Variants in GDAP2 observed in about 807,000 individuals in gnomAD.
The protein encoded by GDAP2 is ganglioside-induced differentiation-associated protein 2.
Under a neutral mutation model 67.0 loss-of-function variants are expected in GDAP2, and 51 were observed. The observed-to-expected ratio is 0.76, with a 90% CI of 0.61 to 0.96. The LOEUF is 0.96. Ranked by LOEUF, GDAP2 falls within the 40% of genes least tolerant of loss-of-function variation. GDAP2 has a pLI of 0.00. For missense variants in GDAP2, 547 were observed against 588.3 expected, an observed-to-expected ratio of 0.93 and a Z score of 0.73; for synonymous variants, 203 against 207.3, an observed-to-expected ratio of 0.98 and a Z score of 0.18.
rs534446232 is a variant in GDAP2, at chr1:117,870,349, C to G, written c.*220G>C. 9.5e-6 allele frequency: 5 copies of G among 527,576 alleles called. No individual in the cohort carries two copies. The African/African-American group carries it at 9.8e-5, about 10-fold the overall frequency. 32.7% of individuals were successfully genotyped at this position (527,576 alleles called of 1,614,324 possible). ...AATCTAAAAATGAACATTTCCATTT[C>G]ATATAAATATACAAATTTAAAATGT... On this transcript the variant is annotated 3_prime_UTR_variant, in exon 14 of 14. Transcript: ENST00000369443.
intron 12 of GDAP2, among the ~76,000 whole-genome samples, chr1:117,880,911 G>C (rs1455858456): frequency 1.3e-5 from 2 of 152,176 alleles, no homozygotes; most frequent in Admixed American, 6.5e-5. Flanking sequence ...GAAAGGGACT[G>C]TCCTTCATTA....
At chr1:117,922,663 T>C (rs967239208) in intron 1 of GDAP2, among the ~76,000 whole-genome samples, 2 of 152,078 alleles carry the variant, frequency 1.3e-5, no homozygotes, top group African/African-American at 4.8e-5. Context: ...TTATTAGCAA[T>C]TTTCAAAAGG....
rs1036954658 is a variant in GDAP2, at chr1:117,868,003, C to G, written c.*2566G>C. On this transcript the variant is annotated 3_prime_UTR_variant, in exon 14 of 14. Transcript: ENST00000369443. ...CAATTCAATTAGCATTTGGCATGAC[C>G]AAAGTTTAATTAAATTAAAGACTTG... 8.5e-5 allele frequency: 13 copies of G among 152,076 alleles called. No homozygotes were observed. The highest frequency in any genetic ancestry group is 3.1e-4 in the African/African-American group (13 of 41,412). 9.4% of individuals were successfully genotyped at this position (152,076 alleles called of 1,614,324 possible). A position where few individuals can be genotyped will look rare whatever the true frequency, so the allele number is the denominator to read the frequency against.
chr1:117,868,614 C>T lies in GDAP2; in HGVS notation c.*1955G>A, dbSNP rs1648156771. On this transcript the variant is annotated 3_prime_UTR_variant, in exon 14 of 14. Transcript: ENST00000369443. The stretch of plus-strand genomic sequence containing the variant: ...AGGTTCTTGAGGTAGCCAAGTTCCC[C>T]TTTAACAAAGAAAAGTTGGCAGACT... The T allele has an allele frequency of 6.6e-6, 1 of 152,140 alleles. No homozygotes were observed. Among genetic ancestry groups the T allele is most frequent in the Admixed American group, 6.6e-5 (1 of 15,260 alleles). 9.4% of individuals were successfully genotyped at this position (152,140 alleles called of 1,614,324 possible).
intron 2 of GDAP2, among the ~76,000 whole-genome samples, chr1:117,919,691 T>C (rs1442432377): frequency 6.6e-6 from 1 of 152,222 alleles, no homozygotes; most frequent in African/African-American, 2.4e-5. Context: ...AATTATATTG[T>C]ATATGAATAG....
At chr1:117,887,654 C>T (rs1648907808) in intron 9 of GDAP2, 44 bp downstream of exon 9, 1 of 910,632 alleles carries the variant, frequency 1.1e-6, no homozygotes. Flanking sequence ...CTTGGTAGGG[C>T]TCTTAATTAG....
At chr1:117,894,419 T>C (rs565491291) in intron 8 of GDAP2, among the ~76,000 whole-genome samples, 2 of 152,328 alleles carry the variant, frequency 1.3e-5, no homozygotes, top group East Asian at 1.9e-4. Context: ...AAGCAACTAA[T>C]GGGTAAAAAC....
At chr1:117,878,361 G>C (rs985754280) in intron 12 of GDAP2, among the ~76,000 whole-genome samples, 3 of 152,166 alleles carry the variant, frequency 2.0e-5, no homozygotes, top group African/African-American at 7.2e-5. Flanking sequence ...ACTGACTAGA[G>C]ACTATAAGAA....
chr1:117,883,296 T>C (rs1043357727), intron 11 of GDAP2, 192 bp downstream of exon 11: 35 of 492,376 alleles, frequency 7.1e-5, no homozygotes, highest in Non-Finnish European at 1.2e-4. Flanking sequence ...AGTTTACATA[T>C]GAATTTACTT....
intron 6 of GDAP2, among the ~76,000 whole-genome samples, chr1:117,902,402 C>A (rs772342249): frequency 5.3e-5 from 8 of 152,176 alleles, no homozygotes; most frequent in Non-Finnish European, 1.2e-4. Context: ...AGGATTTATA[C>A]CCACACTTTC....
chr1:117,888,572 C>T (rs1049005355), intron 8 of GDAP2, among the ~76,000 whole-genome samples: 12 of 152,066 alleles, frequency 7.9e-5, no homozygotes, highest in Non-Finnish European at 1.5e-4. Context: ...AAGGTCAGTG[C>T]TTTTTCTACT....
Position 117,881,262 on chromosome 1 carries a change from A to G in GDAP2, c.1302+561T>C, listed in dbSNP as rs531036604. Among the ~76,000 whole-genome samples, 3 of 152,316 alleles carry G rather than the reference A, an allele frequency of 2.0e-5. No homozygotes were observed. In the South Asian group the frequency reaches 6.2e-4, roughly 32 times the overall value. Reference sequence around the variant, plus strand: ...AAGTAAAAAGACCAAGAGACTAGATATCTTGATGAAGTCAAGATGTAGGCT... The same window carrying G: ...AAGTAAAAAGACCAAGAGACTAGATGTCTTGATGAAGTCAAGATGTAGGCT... On this transcript the variant is annotated intron_variant, in intron 12 of 13. Transcript: ENST00000369443.
intron 8 of GDAP2, among the ~76,000 whole-genome samples, chr1:117,894,057 A>G (rs905333789): frequency 6.6e-6 from 1 of 152,138 alleles, no homozygotes; most frequent in African/African-American, 2.4e-5. Flanking sequence ...AATTACTGTA[A>G]TATCACATAG....
rs534224845 is a variant in GDAP2 at position 117,884,250 on chromosome 1, C to A, written c.1108-623G>T. On this transcript the variant is annotated intron_variant, in intron 10 of 13. Coordinates refer to ENST00000369443, the MANE Select transcript of GDAP2 (RefSeq NM_017686.4). ...TAGGTTGGGAAGCATTTCTAGAGCT[C>A]TGAAAGATTCAAATTTAATGTGACC... Among the ~76,000 whole-genome samples the A allele has an allele frequency of 2.6e-5, 4 of 152,134 alleles. No homozygotes were observed. The South Asian group carries it at 8.3e-4, about 32-fold the overall frequency.
At chr1:117,904,815 C>A (rs1176301586) in intron 6 of GDAP2, among the ~76,000 whole-genome samples, 1 of 152,210 alleles carries the variant, frequency 6.6e-6, no homozygotes, top group Admixed American at 6.5e-5. Flanking sequence ...GACTTCACTC[C>A]TCAGCTTCAA....
intron 8 of GDAP2, among the ~76,000 whole-genome samples, chr1:117,889,779 T>C (rs1175818490): frequency 6.6e-6 from 1 of 152,134 alleles, no homozygotes; most frequent in African/African-American, 2.4e-5. Flanking sequence ...TATATACTAA[T>C]TGTTTATAAT....
intron 6 of GDAP2, among the ~76,000 whole-genome samples, chr1:117,904,216 T>A (rs760361296): frequency 6.6e-6 from 1 of 152,210 alleles, no homozygotes; most frequent in Non-Finnish European, 1.5e-5. Flanking sequence ...CTTGAACTCC[T>A]GACCTCTGGT....
chr1:117,876,383 T>G (rs892495602), intron 13 of GDAP2, among the ~76,000 whole-genome samples: 1 of 152,174 alleles, frequency 6.6e-6, no homozygotes, highest in Non-Finnish European at 1.5e-5. Flanking sequence ...AAGCAGATGC[T>G]GGTGCCCTGC....
chr1:117,873,685 C>G (rs1648363412), intron 13 of GDAP2, among the ~76,000 whole-genome samples: 1 of 152,104 alleles, frequency 6.6e-6, no homozygotes, highest in South Asian at 2.1e-4. Context: ...TCCTTTCCCC[C>G]TAATCTGTCA....
Sources: gnomAD v4.1 joint callset for allele counts (sites outside exome capture counted in the v4.1 genomes callset) on GRCh38, gnomAD v4.1.1 for gene constraint, MANE v1.5 for transcripts, NCBI Gene and HGNC (gene_info 2026-07-23, HGNC 2026-07-21) for gene names.